The following KLF15 variants were observed in gnomAD, a reference collection of about 807,000 sequenced individuals.
KLF15 encodes the protein KLF transcription factor 15, also known as Krueppel-like factor 15.
In KLF15, 4 loss-of-function variants were observed where a neutral mutation model predicts 24.6. The ratio of observed to expected loss-of-function variants is 0.16; its 90% CI spans 0.08 to 0.37. The LOEUF is 0.37. KLF15 is among the 10% of genes least tolerant of loss of function. The pLI is 1.00. For synonymous variants in KLF15, 246 were observed against 236.3 expected (o/e 1.04, Z -0.37); for missense variants, 496 against 560.6 (o/e 0.88, Z 1.16).
the KLF15 span, among the ~76,000 whole-genome samples, chr3:126,323,448 TA>T: frequency 2.5e-5 from 1 of 40,728 alleles, no homozygotes; most frequent in African/African-American, 1.1e-4. Context: ...ATATATATGT[TA>T]TATATATATA....
the KLF15 span, among the ~76,000 whole-genome samples, chr3:126,330,803 G>C: frequency 6.6e-6 from 1 of 152,186 alleles, no homozygotes; most frequent in East Asian, 1.9e-4. Context: ...ATGATGTGAC[G>C]ATGTTAGGAA....
chr3:126,340,704 G>A (rs1004923353), downstream of KLF15, among the ~76,000 whole-genome samples: 5 of 152,064 alleles, frequency 3.3e-5, no homozygotes, highest in Non-Finnish European at 5.9e-5. Context: ...ATTCCTCACC[G>A]TGGTGAGTCC....
At chr3:126,304,837 G>T in the KLF15 span, among the ~76,000 whole-genome samples, 4 of 152,328 alleles carry the variant, frequency 2.6e-5, no homozygotes, top group Admixed American at 2.6e-4. Flanking sequence ...TTGGCTGCAA[G>T]TAACAGACAA....
the KLF15 span, among the ~76,000 whole-genome samples, chr3:126,309,277 A>G: frequency 1.3e-5 from 2 of 152,254 alleles, no homozygotes; most frequent in South Asian, 2.1e-4. Context: ...GACTGTACAC[A>G]GCCCTGCGCT....
At chr3:126,303,376 T>C in the KLF15 span, among the ~76,000 whole-genome samples, 63,968 of 151,760 alleles carry the variant, frequency 0.42, 13,754 homozygotes, top group African/African-American at 0.46. Context: ...TTCTTTACTT[T>C]GCCTTTGTTT....
chr3:126,335,261 G>C, the KLF15 span, among the ~76,000 whole-genome samples: 2 of 144,506 alleles, frequency 1.4e-5, no homozygotes, highest in African/African-American at 5.2e-5. Context: ...ATGCAAGGCT[G>C]GTTCAACATA....
downstream of KLF15, among the ~76,000 whole-genome samples, chr3:126,340,325 CA>C (rs2082470723): frequency 6.6e-6 from 1 of 152,208 alleles, no homozygotes; most frequent in Non-Finnish European, 1.5e-5. Flanking sequence ...AGTGAGTGTG[CA>C]AATCCCAGGA....
chr3:126,347,147 G>A (rs1241554514), intron 2 of KLF15, among the ~76,000 whole-genome samples: 1 of 152,180 alleles, frequency 6.6e-6, no homozygotes, highest in Non-Finnish European at 1.5e-5. Context: ...TCTCTCTAGA[G>A]CAGCTATAAT....
chr3:126,351,337 T>G (rs1353982753), intron 2 of KLF15, among the ~76,000 whole-genome samples: 2 of 152,222 alleles, frequency 1.3e-5, no homozygotes, highest in African/African-American at 4.8e-5. Flanking sequence ...GGAAGCAGCA[T>G]TTTCAGGATG....
At chr3:126,315,632 C>T in the KLF15 span, among the ~76,000 whole-genome samples, 1 of 152,166 alleles carries the variant, frequency 6.6e-6, no homozygotes, top group East Asian at 1.9e-4. Flanking sequence ...TCTCACAGCT[C>T]ACAGCAACAC....
chr3:126,292,068 C>A, the KLF15 span, among the ~76,000 whole-genome samples: 1 of 152,178 alleles, frequency 6.6e-6, no homozygotes, highest in African/African-American at 2.4e-5. Flanking sequence ...TCATTCCAGT[C>A]CCCAAGGCAA....
the KLF15 span, among the ~76,000 whole-genome samples, chr3:126,333,376 G>C: frequency 7.3e-5 from 11 of 150,120 alleles, no homozygotes; most frequent in African/African-American, 2.7e-4. Flanking sequence ...AATGCTGAGA[G>C]ATTTTGTCAC....
the KLF15 span, among the ~76,000 whole-genome samples, chr3:126,297,171 T>C: frequency 6.6e-6 from 1 of 152,222 alleles, no homozygotes; most frequent in South Asian, 2.1e-4. Context: ...TACAGTGTTA[T>C]ACTTGCCCTG....
chr3:126,324,803 GCT>G, the KLF15 span, among the ~76,000 whole-genome samples: 3 of 26,076 alleles, frequency 1.2e-4, no homozygotes, highest in Admixed American at 1.2e-3. Context: ...TTTTTTTTTC[GCT>G]CTTTTTTTTT....
chr3:126,320,053 C>A, the KLF15 span, among the ~76,000 whole-genome samples: 1 of 152,166 alleles, frequency 6.6e-6, no homozygotes, highest in Admixed American at 6.5e-5. Context: ...CAGGCTTAAG[C>A]ATACTTTGGG....
the KLF15 span, among the ~76,000 whole-genome samples, chr3:126,323,392 A>G: frequency 1.1e-5 from 1 of 94,950 alleles, no homozygotes; most frequent in Non-Finnish European, 2.0e-5. Context: ...TCTCTTACTT[A>G]GCCCCAGTAG....
At chr3:126,323,822 T>C in the KLF15 span, among the ~76,000 whole-genome samples, 2 of 151,430 alleles carry the variant, frequency 1.3e-5, no homozygotes, top group East Asian at 3.9e-4. Context: ...TATGTGATGT[T>C]TGGTTTTCTG....
chr3:126,334,069 G>C, the KLF15 span, among the ~76,000 whole-genome samples: 1 of 151,956 alleles, frequency 6.6e-6, no homozygotes, highest in East Asian at 1.9e-4. Flanking sequence ...GCACCAAGTG[G>C]ACCTAATAGA....
intron 2 of KLF15, among the ~76,000 whole-genome samples, chr3:126,345,819 C>A (rs1332856322): frequency 6.6e-6 from 1 of 152,214 alleles, no homozygotes; most frequent in Non-Finnish European, 1.5e-5. Context: ...CAGGAGGAGA[C>A]AGGAACTCCG....
Sources: gnomAD v4.1 joint callset for allele counts (sites outside exome capture counted in the v4.1 genomes callset) on GRCh38, gnomAD v4.1.1 for gene constraint, MANE v1.5 for transcripts, NCBI Gene and HGNC (gene_info 2026-07-23, HGNC 2026-07-21) for gene names.